The following TRAF2 variants were observed in gnomAD, a reference collection of about 807,000 sequenced individuals.
TRAF2 encodes the protein TNF receptor associated factor 2, also known as TNF receptor-associated factor 2.
Under a neutral mutation model 55.6 loss-of-function variants are expected in TRAF2, and 6 were observed. The ratio of observed to expected loss-of-function variants is 0.11; its 90% confidence interval spans 0.06 to 0.21. The LOEUF (loss-of-function observed/expected upper bound fraction) is 0.21, where lower values mean the gene tolerates loss of function less well. Ranked by LOEUF, TRAF2 falls within the 10% of genes least tolerant of loss-of-function variation. The probability of loss-of-function intolerance (pLI) is 1.00; values close to 1 mark genes in which losing one functional copy is unlikely to be tolerated. For missense variants in TRAF2, 561 were observed against 684.5 expected (o/e 0.82, Z 2.01); for synonymous variants, 329 against 276.3 (o/e 1.19, Z -1.89).
intron 10 of TRAF2, among the ~76,000 whole-genome samples, chr9:136,924,967 G>A (rs745712175): frequency 1.3e-5 from 2 of 152,206 alleles, no homozygotes; most frequent in Non-Finnish European, 2.9e-5. Context: ...TTGATCTCCT[G>A]ACCTTGTGAT....
upstream of TRAF2, among the ~76,000 whole-genome samples, chr9:136,882,892 A>C (rs1849390660): frequency 6.6e-6 from 1 of 152,184 alleles, no homozygotes; most frequent in Admixed American, 6.5e-5. Context: ...ATATTATTAG[A>C]CAGAGTCTTG....
intron 5 of TRAF2, among the ~76,000 whole-genome samples, chr9:136,909,554 G>A (rs972418463): frequency 1.3e-5 from 2 of 152,168 alleles, no homozygotes; most frequent in African/African-American, 4.8e-5. Flanking sequence ...TCTTGGAGAC[G>A]TCCCGCATGC....
At chr9:136,900,614 C>A in intron 4 of TRAF2, 94 bp downstream of exon 4, 1 of 990,366 alleles carries the variant, frequency 1.0e-6, no homozygotes, top group Non-Finnish European at 1.6e-6. Flanking sequence ...CCTGCACGTT[C>A]CTCTCACTGG....
At position 136,900,467 on chromosome 9, in the gene TRAF2, G is replaced by T. The variant is rs1371805489; in HGVS notation, c.313G>T (p.Ala105Ser). The T allele has an allele frequency of 6.2e-7, 1 of 1,612,462 alleles. No individual in the cohort carries two copies. Among genetic ancestry groups the T allele is most frequent in the Non-Finnish European group, 8.5e-7 (1 of 1,178,922 alleles). ...AARREVESLPAVCPSDGCTWK... is the reference protein window; with the variant it reads ...AARREVESLPSVCPSDGCTWK... ...CCGCAGGGAGGTGGAGAGCCTGCCG[G>T]CCGTCTGTCCCAGTGATGGATGCAC... The change falls in exon 4 of 11, where the codon GCC (alanine) becomes TCC (serine). Residue 105 changes from alanine to serine, a missense_variant. Transcript: ENST00000247668.
chr9:136,925,813 G>A lies in TRAF2; in HGVS notation c.1418G>A (p.Cys473Tyr). 1 of 1,614,240 alleles carries A rather than the reference G, an allele frequency of 6.2e-7. No individual in the cohort carries two copies. The highest frequency in any genetic ancestry group is 8.5e-7 in the Non-Finnish European group (1 of 1,180,054). ...MNIASGCPLF[C>Y]PVSKMEAKNS... ...ATCGCAAGCGGCTGCCCCCTCTTCT[G>A]CCCCGTCTCCAAGATGGAGGCAAAG... is the stretch of plus-strand genomic sequence containing the variant. The change falls in exon 11 of 11, where the codon TGC (cysteine) becomes TAC (tyrosine). Residue 473 changes from cysteine (C) to tyrosine (Y), a missense_variant. Physicochemically the swap from Cys to Tyr is radical, Grantham distance 194. Transcript: ENST00000247668.
chr9:136,910,499 TG>T (rs1199922214), intron 6 of TRAF2, among the ~76,000 whole-genome samples: 1 of 152,260 alleles, frequency 6.6e-6, no homozygotes, highest in Admixed American at 6.5e-5. Context: ...AGTTAACTGC[TG>T]CAGATGACAC....
intron 1 of TRAF2, among the ~76,000 whole-genome samples, chr9:136,888,898 G>C (rs1222268624): frequency 1.3e-5 from 2 of 152,160 alleles, no homozygotes; most frequent in Non-Finnish European, 2.9e-5. Context: ...GGGGAGTCTC[G>C]CTCTGTCACC....
intron 1 of TRAF2, chr9:136,890,658 A>C (rs1233285559): frequency 6.6e-6 from 1 of 152,248 alleles, no homozygotes; most frequent in Non-Finnish European, 1.5e-5. Flanking sequence ...GGTTTTCATT[A>C]GTTCTTAAAA....
intron 1 of TRAF2, among the ~76,000 whole-genome samples, chr9:136,896,356 G>A (rs1849679538): frequency 1.3e-5 from 2 of 152,234 alleles, no homozygotes; most frequent in Admixed American, 1.3e-4. Context: ...GGAGCAGTGG[G>A]TTTCGGGTCC....
intron 6 of TRAF2, among the ~76,000 whole-genome samples, chr9:136,912,096 G>C (rs1321703615): frequency 6.7e-6 from 1 of 148,244 alleles, no homozygotes; most frequent in Non-Finnish European, 1.5e-5. Context: ...CTCGTGATCT[G>C]CCCACCTCGG....
At chr9:136,907,990 G>T (rs915169898) in intron 4 of TRAF2, 80 bp from the exon 5 acceptor site, 139 of 1,525,946 alleles carry the variant, frequency 9.1e-5, no homozygotes, top group Non-Finnish European at 8.1e-5. Context: ...GCGCTACATC[G>T]CCTTGTGTCC....
chr9:136,887,486 C>A (rs1219313770), intron 1 of TRAF2, among the ~76,000 whole-genome samples: 1 of 152,116 alleles, frequency 6.6e-6, no homozygotes, highest in African/African-American at 2.4e-5. Flanking sequence ...GAGCACCAAG[C>A]CTCCACTCGG....
chr9:136,899,385 C>G (rs1012177358), intron 2 of TRAF2, among the ~76,000 whole-genome samples: 5 of 152,182 alleles, frequency 3.3e-5, no homozygotes, highest in Non-Finnish European at 5.9e-5. Flanking sequence ...TCAGGCGTGC[C>G]TTCCTCACAA....
chr9:136,892,355 T>C (rs1156638805), intron 1 of TRAF2, among the ~76,000 whole-genome samples: 1 of 151,966 alleles, frequency 6.6e-6, no homozygotes, highest in Non-Finnish European at 1.5e-5. Flanking sequence ...TCCCAGCTAC[T>C]TGGGAGGCTG....
At chr9:136,887,452 C>T (rs373365182) in intron 1 of TRAF2, among the ~76,000 whole-genome samples, 2 of 152,116 alleles carry the variant, frequency 1.3e-5, no homozygotes, top group South Asian at 2.1e-4. Flanking sequence ...TTTGAGGCCC[C>T]GAGGGCTGAG....
At chr9:136,911,101 G>A (rs1038077864) in intron 6 of TRAF2, among the ~76,000 whole-genome samples, 1 of 152,204 alleles carries the variant, frequency 6.6e-6, no homozygotes, top group Non-Finnish European at 1.5e-5. Flanking sequence ...TGAGGGGGTT[G>A]TACAGAGGAG....
At chr9:136,892,139 A>G (rs1849593306) in intron 1 of TRAF2, among the ~76,000 whole-genome samples, 1 of 152,126 alleles carries the variant, frequency 6.6e-6, no homozygotes, top group Admixed American at 6.5e-5. Flanking sequence ...AACATCTTAT[A>G]ATAAGTATAA....
chr9:136,912,040 A>G (rs1191636743), intron 6 of TRAF2, among the ~76,000 whole-genome samples: 1 of 151,042 alleles, frequency 6.6e-6, no homozygotes, highest in East Asian at 1.9e-4. Flanking sequence ...TTTTTAGTAC[A>G]GATGGGGTTT....
At chr9:136,886,645 C>A in intron 1 of TRAF2, 104 bp downstream of exon 1, 1 of 788,322 alleles carries the variant, frequency 1.3e-6, no homozygotes, top group Non-Finnish European at 1.5e-6. Flanking sequence ...CTCAGGGAGA[C>A]TCCGGGCCGG....
Sources: gnomAD v4.1 joint callset for allele counts (sites outside exome capture counted in the v4.1 genomes callset) on GRCh38, gnomAD v4.1.1 for gene constraint, MANE v1.5 for transcripts, NCBI Gene and HGNC (gene_info 2026-07-23, HGNC 2026-07-21) for gene names.